Variants in SZT2 observed in about 807,000 individuals in gnomAD.
SZT2 encodes the protein KICSTOR complex protein SZT2.
A neutral mutation model predicts 404.2 loss-of-function variants in SZT2; 216 were observed. The ratio of observed to expected loss-of-function variants is 0.53; its 90% CI spans 0.48 to 0.60. The LOEUF (loss-of-function observed/expected upper bound fraction) is 0.60. Ranked by LOEUF, SZT2 falls within the 20% of genes least tolerant of loss-of-function variation. SZT2 has a pLI of 0.00. For synonymous variants in SZT2, 1,693 were observed against 1,749.9 expected (o/e 0.97, Z 0.81); for missense variants, 3,857 against 4,459.2 (o/e 0.86, Z 3.85).
chr1:43,408,678 A>G lies in SZT2; in HGVS notation c.498+4128A>G, dbSNP rs139065354. Among the ~76,000 whole-genome samples, 978 of 152,194 alleles carry G rather than the reference A, an allele frequency of 6.4e-3. 9 individuals carry two copies. The highest frequency in any genetic ancestry group is 0.022 in the African/African-American group (927 of 41,502). On this transcript the variant is annotated intron_variant, in intron 4 of 71. Coordinates refer to ENST00000634258, the MANE Select transcript of SZT2 (RefSeq NM_001365999.1). ...TCCTGTTAACTTACTGTTTCATCAT[A>G]TCTTACCATATGTTTAGCCAGCCCC... is the stretch of plus-strand genomic sequence containing the variant.
chr1:43,417,381 T>A (rs147912889), intron 7 of SZT2, among the ~76,000 whole-genome samples: 34 of 152,254 alleles, frequency 2.2e-4, no homozygotes, highest in African/African-American at 8.2e-4. Context: ...CTCCAAGTTT[T>A]TGACTCCAGT....
chr1:43,447,687 G>A lies in SZT2; in HGVS notation c.9429G>A (p.Ser3143=), dbSNP rs756070715. ...GPEHNEYALV[S]AWHSSGSYLD... Reference sequence around the variant, plus strand: ...AACACAACGAGTATGCCCTGGTGTCGGCATGGCACAGGTAAGGCTGAGAGG... The same window carrying A: ...AACACAACGAGTATGCCCTGGTGTCAGCATGGCACAGGTAAGGCTGAGAGG... Residue 3143 remains serine, a synonymous_variant, in exon 67 of 72, where the codon TCG becomes TCA. Coordinates refer to ENST00000634258, the MANE Select transcript of SZT2 (RefSeq NM_001365999.1). 9.9e-6 allele frequency: 16 copies of A among 1,613,828 alleles called. No homozygotes were observed. The highest frequency in any genetic ancestry group is 3.3e-5 in the South Asian group (3 of 91,024).
chr1:43,427,849 T>C, intron 26 of SZT2, 115 bp downstream of exon 26: 2 of 1,382,866 alleles, frequency 1.4e-6, no homozygotes. Flanking sequence ...TGCTGGCTCC[T>C]TGCTTGATTT....
In SZT2 at chr1:43,451,383, G is replaced by A; in HGVS notation, c.*903G>A. On this transcript the variant is annotated 3_prime_UTR_variant, in exon 72 of 72. Coordinates refer to ENST00000634258, the MANE Select transcript of SZT2 (RefSeq NM_001365999.1). Reference sequence around the variant, plus strand: ...CAGCCCCTGTCCGGGTCCCTCCAGAGCTCCCTTCCCCAGGGCCACGCCTCA... The same window carrying A: ...CAGCCCCTGTCCGGGTCCCTCCAGAACTCCCTTCCCCAGGGCCACGCCTCA... 1.2e-6 allele frequency: 2 copies of A among 1,611,824 alleles called. No individual in the cohort carries two copies. The highest frequency in any genetic ancestry group is 1.7e-6 in the Non-Finnish European group (2 of 1,179,996).
chr1:43,405,799 G>A (rs1650236555), intron 4 of SZT2: 1 of 152,288 alleles, frequency 6.6e-6, no homozygotes, highest in African/African-American at 2.4e-5. Context: ...GGGAGAGCAT[G>A]GATGTTAGGT....
In SZT2 at chr1:43,416,053, C is replaced by A. The variant is rs777944624; in HGVS notation, c.724C>A (p.Arg242Ser). 6.3e-7 allele frequency: 1 copy of A among 1,598,376 alleles called. No individual in the cohort carries two copies. The highest frequency in any genetic ancestry group is 8.5e-7 in the Non-Finnish European group (1 of 1,179,800). Reference sequence around the variant, plus strand: ...TGATCTTGGGCTGGTCAGTATGATTCGTCAGGGCATCTTGGCACTGCAGTT... The same window carrying A: ...TGATCTTGGGCTGGTCAGTATGATTAGTCAGGGCATCTTGGCACTGCAGTT... ...TADLGLVSMIRQGILALQLLP... is the reference protein window; with the variant it reads ...TADLGLVSMISQGILALQLLP... Residue 242 changes from arginine to serine, a missense_variant, in exon 6 of 72, where the codon CGT (arginine) becomes AGT (serine). Physicochemically the swap from Arg to Ser is moderately radical, Grantham distance 110 (BLOSUM62 -1). Transcript: ENST00000634258.
At chr1:43,438,227 G>A in intron 46 of SZT2, 1 of 373,398 alleles carries the variant, frequency 2.7e-6, no homozygotes, top group South Asian at 2.6e-5. Flanking sequence ...CACAGCTTGG[G>A]GAAGGGGAGC....
Position 43,428,406 on chromosome 1 carries a change from T to C in SZT2, c.4086T>C (p.Pro1362=), listed in dbSNP as rs1653447448. Residue 1362 remains proline (P), a synonymous_variant, in exon 28 of 72, where the codon CCT becomes CCC. Transcript: ENST00000634258. ...GLPHAPPSPG[P]LSPGPFSSSM... ...CTCATGCACCCCCAAGTCCTGGTCC[T>C]CTCAGCCCTGGGCCCTTCAGCAGCA... is the stretch of plus-strand genomic sequence containing the variant. The C allele has an allele frequency of 1.2e-6, 2 of 1,614,046 alleles. No homozygotes were observed. Among genetic ancestry groups the C allele is most frequent in the Admixed American group, 1.7e-5 (1 of 60,012 alleles).
At position 43,439,243 on chromosome 1, in the gene SZT2, G is replaced by T. The variant is rs950510159; in HGVS notation, c.6793-115G>T. On this transcript the variant is annotated intron_variant, in intron 48 of 71. Transcript: ENST00000634258. This position sits in a 1 kb window ranked among gnomAD's most constrained non-coding sequence, Gnocchi z 4.2. Reference sequence around the variant, plus strand: ...CCCCGGGGACCATTATTACCCGCCTGTGTCTTCTCATGCTCCCATATCTAC... The same window carrying T: ...CCCCGGGGACCATTATTACCCGCCTTTGTCTTCTCATGCTCCCATATCTAC... 2 of 1,521,214 alleles carry T rather than the reference G, an allele frequency of 1.3e-6. No homozygotes were observed. The highest frequency in any genetic ancestry group is 1.8e-6 in the Non-Finnish European group (2 of 1,101,618). 94.2% of individuals were successfully genotyped at this position (1,521,214 alleles called of 1,614,324 possible). A position where few individuals can be genotyped will look rare whatever the true frequency, so the allele number is the denominator to read the frequency against.
chr1:43,453,526 G>T lies in SZT2; in HGVS notation c.*3046G>T. ...CAGAGAGAACGGGCCTCAGCCCCCG[G>T]CTCGGACACTCCCCTGCCCGCGCCC... On this transcript the variant is annotated 3_prime_UTR_variant, in exon 72 of 72. Transcript: ENST00000634258. 1 of 1,532,446 alleles carries T rather than the reference G, an allele frequency of 6.5e-7. No homozygotes were observed. Among genetic ancestry groups the T allele is most frequent in the Non-Finnish European group, 8.8e-7 (1 of 1,135,972 alleles). The allele number at this position is 1,532,446 out of a possible 1,614,324, so 94.9% of individuals were successfully genotyped here. A position where few individuals can be genotyped will look rare whatever the true frequency, so the allele number is the denominator to read the frequency against.
chr1:43,434,959 A>AT (rs1654309279), intron 41 of SZT2, among the ~76,000 whole-genome samples: 1 of 152,232 alleles, frequency 6.6e-6, no homozygotes. Context: ...AGAGGAAGTG[A>AT]TTTTTAAGCT....
In SZT2 at chr1:43,448,247, G is replaced by A. The variant is rs200250871; in HGVS notation, c.9732G>A (p.Pro3244=). 1.4e-4 allele frequency: 225 copies of A among 1,586,950 alleles called. 1 individual carries two copies. The Admixed American group carries it at 2.8e-3, about 20-fold the overall frequency. Residue 3244 remains proline (P), a synonymous_variant, in exon 69 of 72, where the codon CCG becomes CCA. Coordinates refer to ENST00000634258, the MANE Select transcript of SZT2 (RefSeq NM_001365999.1). This position sits in a 1 kb window ranked among gnomAD's most constrained non-coding sequence, Gnocchi z 4.2. ...EASGLILAPG[P]APLFPPLAAE... ...CAGGGCTTATTCTAGCGCCTGGACC[G>A]GCTCCTCTGTTCCCACCACTGGCTG... is the stretch of plus-strand genomic sequence containing the variant.
At chr1:43,427,012 AC>A in intron 23 of SZT2, 43 bp from the exon 24 acceptor site, 2 of 1,609,974 alleles carry the variant, frequency 1.2e-6, no homozygotes, top group Non-Finnish European at 8.5e-7. Flanking sequence ...CAGGGGTTGG[AC>A]ATTCCCTTAT....
In SZT2 at chr1:43,446,715, A is replaced by G. The variant is rs1424357118; in HGVS notation, c.9073-240A>G. On this transcript the variant is annotated intron_variant, in intron 65 of 71. Coordinates refer to ENST00000634258, the MANE Select transcript of SZT2 (RefSeq NM_001365999.1). ...CAGACCCTGATGGAATCTGGGATAGAGCAAAATGGCCCAGTTTCTGAAAAT... is the reference window on the plus strand; with the variant it reads ...CAGACCCTGATGGAATCTGGGATAGGGCAAAATGGCCCAGTTTCTGAAAAT... 5 of 617,908 alleles carry G rather than the reference A, an allele frequency of 8.1e-6. No homozygotes were observed. In the East Asian group the frequency reaches 1.4e-4, roughly 17 times the overall value. The allele number at this position is 617,908 out of a possible 1,614,324, so 38.3% of individuals were successfully genotyped here. A position where few individuals can be genotyped will look rare whatever the true frequency, so the allele number is the denominator to read the frequency against.
chr1:43,417,804 G>C (rs1210875223), intron 7 of SZT2, among the ~76,000 whole-genome samples: 1 of 152,194 alleles, frequency 6.6e-6, no homozygotes, highest in East Asian at 1.9e-4. Flanking sequence ...TCAGGGTACA[G>C]ATGGTAATTG....
Position 43,452,112 on chromosome 1 carries a change from G to T in SZT2, c.*1632G>T. 6.7e-7 allele frequency: 1 copy of T among 1,500,882 alleles called. No homozygotes were observed. Among genetic ancestry groups the T allele is most frequent in the Non-Finnish European group, 9.2e-7 (1 of 1,087,004 alleles). 93.0% of individuals were successfully genotyped at this position (1,500,882 alleles called of 1,614,324 possible). A position where few individuals can be genotyped will look rare whatever the true frequency, so the allele number is the denominator to read the frequency against. ...GCCCTCACCTGTTCCTCTGACCTAGGCTGGCAGCCTCACGTGCTGTCCCCA... is the reference window on the plus strand; with the variant it reads ...GCCCTCACCTGTTCCTCTGACCTAGTCTGGCAGCCTCACGTGCTGTCCCCA... On this transcript the variant is annotated 3_prime_UTR_variant, in exon 72 of 72. Transcript: ENST00000634258.
intron 7 of SZT2, among the ~76,000 whole-genome samples, chr1:43,417,219 G>A (rs1391457560): frequency 6.6e-6 from 1 of 152,206 alleles, no homozygotes; most frequent in Non-Finnish European, 1.5e-5. Context: ...AAGGACGGGG[G>A]AAGTCGGGGA....
intron 26 of SZT2, 105 bp from the exon 27 acceptor site, chr1:43,427,898 A>C: frequency 1.5e-6 from 2 of 1,304,556 alleles, no homozygotes; most frequent in Non-Finnish European, 2.2e-6. Context: ...CCATGAATAC[A>C]CTTGATATGT....
chr1:43,447,670 GA>G lies in SZT2; in HGVS notation c.9413del (p.Glu3138GlyfsTer103), dbSNP rs1557603748. ...MARPGGPEHN[E>X]YALVSAWHSS... ...CCGGCCAGGGGGCCCAGAACACAAC[GA>G]GTATGCCCTGGTGTCGGCATGGCAC... On this transcript the variant is annotated frameshift_variant, in exon 67 of 72. Coordinates refer to ENST00000634258, the MANE Select transcript of SZT2 (RefSeq NM_001365999.1). LOFTEE classifies it high-confidence loss of function. 6.2e-7 allele frequency: 1 copy of G among 1,614,162 alleles called. No individual in the cohort carries two copies. Among genetic ancestry groups the G allele is most frequent in the Non-Finnish European group, 8.5e-7 (1 of 1,180,026 alleles).
Sources: allele counts gnomAD v4.1 joint callset (sites outside exome capture counted in the v4.1 genomes callset), GRCh38; gene constraint gnomAD v4.1.1; non-coding constraint Gnocchi (gnomAD v3.1); transcripts MANE v1.5; gene names NCBI Gene and HGNC (gene_info 2026-07-23, HGNC 2026-07-21).